The following PCDHGA10 variants were observed in gnomAD, a reference collection of about 807,000 sequenced individuals.
PCDHGA10 encodes protocadherin gamma-A10.
Under a neutral mutation model 59.5 loss-of-function variants are expected in PCDHGA10, and 42 were observed. That is an observed-to-expected ratio of 0.71 (90% CI 0.55 to 0.91). PCDHGA10 has a LOEUF of 0.91. Among genes scored for constraint, PCDHGA10 ranks in the 40% least tolerant of loss-of-function variants. The probability of loss-of-function intolerance (pLI) is 0.00; values close to 1 mark genes in which losing one functional copy is unlikely to be tolerated. For synonymous variants in PCDHGA10, 511 were observed against 517.2 expected (o/e 0.99, Z 0.16); for missense variants, 1,111 against 1,198.2 (o/e 0.93, Z 1.07).
intron 2 of PCDHGA10, among the ~76,000 whole-genome samples, chr5:141,496,486 C>T (rs186488143): frequency 1.3e-5 from 2 of 152,322 alleles, no homozygotes; most frequent in East Asian, 3.9e-4. Flanking sequence ...CTGCAACCAA[C>T]CAAACCCTTG....
chr5:141,414,740 G>A lies in PCDHGA10; in HGVS notation c.1565G>A (p.Arg522Lys), dbSNP rs776833780. 6.2e-7 allele frequency: 1 copy of A among 1,614,208 alleles called. No homozygotes were observed. The highest frequency in any genetic ancestry group is 1.1e-5 in the South Asian group (1 of 91,084). ...NSDTGVLYAL[R>K]SFDYEQFHEL... is the part of the protein sequence containing the mutation. ...GACACTGGCGTCCTGTATGCACTCA[G>A]ATCCTTCGACTATGAGCAGTTTCAT... Residue 522 changes from arginine (R) to lysine (K), a missense_variant, in exon 1 of 4, where the codon AGA (arginine) becomes AAA (lysine). Transcript: ENST00000398610.
chr5:141,422,467 G>A (rs1380910490), intron 1 of PCDHGA10: 1 of 1,613,664 alleles, frequency 6.2e-7, no homozygotes, highest in Non-Finnish European at 8.5e-7. Context: ...GCTGGACAGG[G>A]AGTTGGTCCA....
intron 1 of PCDHGA10, chr5:141,492,046 A>C: frequency 6.1e-6 from 3 of 494,434 alleles, no homozygotes; most frequent in South Asian, 8.1e-5. Flanking sequence ...TCACAGATCC[A>C]CCCCTGCAGC....
intron 3 of PCDHGA10, among the ~76,000 whole-genome samples, chr5:141,507,784 T>C (rs2099863290): frequency 6.6e-6 from 1 of 152,136 alleles, no homozygotes; most frequent in Non-Finnish European, 1.5e-5. Context: ...GGCCTGACCC[T>C]CGTCTAAGCC....
chr5:141,482,492 T>C (rs1167963137), intron 1 of PCDHGA10, among the ~76,000 whole-genome samples: 1 of 144,468 alleles, frequency 6.9e-6, no homozygotes, highest in Non-Finnish European at 1.5e-5. Flanking sequence ...TTAAAAGTTA[T>C]CATTCTGGTA....
chr5:141,494,782 C>T, intron 1 of PCDHGA10, 25 bp from the exon 2 acceptor site: 1 of 1,614,110 alleles, frequency 6.2e-7, no homozygotes. Context: ...GGTACTCAGC[C>T]CCTTTCCCTC....
chr5:141,436,735 T>G (rs2097843412), intron 1 of PCDHGA10, among the ~76,000 whole-genome samples: 1 of 152,220 alleles, frequency 6.6e-6, no homozygotes, highest in Non-Finnish European at 1.5e-5. Context: ...AATAATGATT[T>G]TTGTGTGCTT....
In PCDHGA10 at chr5:141,433,172, G is replaced by C. The variant is rs147848043; in HGVS notation, c.2436+17561G>C. 533 of 1,610,720 alleles carry C rather than the reference G, an allele frequency of 3.3e-4. 5 individuals carry two copies. In the South Asian group the frequency reaches 5.0e-3, roughly 15 times the overall value. On this transcript the variant is annotated intron_variant, in intron 1 of 3. Transcript: ENST00000398610. ...TTCGGTATTTTCTAAAGACAGTCAT[G>C]GGTTAATTGAGGTGAGTTTATATCA...
chr5:141,456,554 G>A (rs1003323522), intron 1 of PCDHGA10, among the ~76,000 whole-genome samples: 2 of 152,202 alleles, frequency 1.3e-5, no homozygotes, highest in Non-Finnish European at 2.9e-5. Flanking sequence ...GCCACTCGGG[G>A]CTGAAGCCCA....
At chr5:141,437,096 C>T (rs989863634) in intron 1 of PCDHGA10, among the ~76,000 whole-genome samples, 6 of 152,122 alleles carry the variant, frequency 3.9e-5, no homozygotes, top group Non-Finnish European at 8.8e-5. Context: ...AAACTAACGG[C>T]TTAGCTTTAG....
chr5:141,413,014 A>T lies in PCDHGA10; in HGVS notation c.-162A>T. ...TCCGGATTCTCAGGGCTTCAACTACACAAGCCCCACAAACCGGCTGCTGGG... is the reference window on the plus strand; with the variant it reads ...TCCGGATTCTCAGGGCTTCAACTACTCAAGCCCCACAAACCGGCTGCTGGG... On this transcript the variant is annotated 5_prime_UTR_variant, in exon 1 of 4. Coordinates refer to ENST00000398610, the MANE Select transcript of PCDHGA10 (RefSeq NM_018913.3). The T allele has an allele frequency of 1.5e-6, 1 of 663,842 alleles. No individual in the cohort carries two copies. The highest frequency in any genetic ancestry group is 2.4e-6 in the Non-Finnish European group (1 of 408,288). The allele number at this position is 663,842 out of a possible 1,614,324, so 41.1% of individuals were successfully genotyped here. A position where few individuals can be genotyped will look rare whatever the true frequency, so the allele number is the denominator to read the frequency against.
chr5:141,438,651 CAT>C (rs2098045358), intron 1 of PCDHGA10, among the ~76,000 whole-genome samples: 1 of 83,744 alleles, frequency 1.2e-5, no homozygotes, highest in East Asian at 3.2e-4. Context: ...CACACACACA[CAT>C]ATATGTATAT....
intron 1 of PCDHGA10, among the ~76,000 whole-genome samples, chr5:141,492,622 C>A (rs2099742615): frequency 6.6e-6 from 1 of 152,218 alleles, no homozygotes; most frequent in South Asian, 2.1e-4. Flanking sequence ...GCCGGGCGGG[C>A]AGGACTCTAC....
chr5:141,490,321 G>C lies in PCDHGA10; in HGVS notation c.2437-4486G>C. On this transcript the variant is annotated intron_variant, in intron 1 of 3. Coordinates refer to ENST00000398610, the MANE Select transcript of PCDHGA10 (RefSeq NM_018913.3). The surrounding 1 kb of genome is among the most constrained non-coding windows in gnomAD (Gnocchi z 5.4). ...GGCCTCTTTGGCCAACCCTGTCCTA[G>C]AGAGCACACCAGTGGGCACAGTAGT... 1.2e-6 allele frequency: 2 copies of C among 1,614,220 alleles called. No homozygotes were observed. The highest frequency in any genetic ancestry group is 1.7e-6 in the Non-Finnish European group (2 of 1,180,044).
chr5:141,484,930 G>A (rs992641330), intron 1 of PCDHGA10: 2 of 501,452 alleles, frequency 4.0e-6, no homozygotes, highest in South Asian at 2.6e-5. Flanking sequence ...CTGCTGTTGG[G>A]ACGTTCTCTG....
chr5:141,469,476 G>A (rs2154570344), intron 1 of PCDHGA10, among the ~76,000 whole-genome samples: 1 of 152,246 alleles, frequency 6.6e-6, no homozygotes, highest in South Asian at 2.1e-4. Context: ...TCGGGAGGCT[G>A]AGGCAGGAGA....
chr5:141,419,878 G>T (rs1342215231), intron 1 of PCDHGA10: 1 of 1,613,942 alleles, frequency 6.2e-7, no homozygotes, highest in African/African-American at 1.3e-5. Context: ...AGGTACTGCC[G>T]GATTTCAGCG....
At chr5:141,429,164 G>A (rs2097189096) in intron 1 of PCDHGA10, 1 of 131,392 alleles carries the variant, frequency 7.6e-6, no homozygotes, top group African/African-American at 3.1e-5. Flanking sequence ...CGGAGACATT[G>A]TTTATACACA....
rs1429603639 is a variant in PCDHGA10 at position 141,415,751 on chromosome 5, T to TTG, written c.2436+141_2436+142insGT. 7.1e-5 allele frequency: 95 copies of TTG among 1,328,716 alleles called. No homozygotes were observed. The African/African-American group carries it at 1.1e-3, about 15-fold the overall frequency. 82.3% of individuals were successfully genotyped at this position (1,328,716 alleles called of 1,614,324 possible). Reference sequence around the variant, plus strand: ...TGATGTTTATTAAGGTTTTTTTTTTTTTTTTTTTTTTTTTTTTTTTTACTT... The same window carrying TTG: ...TGATGTTTATTAAGGTTTTTTTTTTTTGTTTTTTTTTTTTTTTTTTTTTACTT... On this transcript the variant is annotated intron_variant, in intron 1 of 3. Coordinates refer to ENST00000398610, the MANE Select transcript of PCDHGA10 (RefSeq NM_018913.3).
Sources: allele counts gnomAD v4.1 joint callset (sites outside exome capture counted in the v4.1 genomes callset), GRCh38; gene constraint gnomAD v4.1.1; non-coding constraint Gnocchi (gnomAD v3.1); transcripts MANE v1.5; gene names NCBI Gene and HGNC (gene_info 2026-07-23, HGNC 2026-07-21).